Variants in KSR1 observed in about 807,000 individuals in gnomAD.
The protein encoded by KSR1 is kinase suppressor of ras 1, also known as kinase suppressor of ras.
Under a neutral mutation model 92.9 loss-of-function variants are expected in KSR1, and 35 were observed. The ratio of observed to expected loss-of-function variants is 0.38; its 90% CI spans 0.29 to 0.50. The LOEUF (loss-of-function observed/expected upper bound fraction) is 0.50. Among genes scored for constraint, KSR1 ranks in the 20% least tolerant of loss-of-function variants. The probability of loss-of-function intolerance (pLI) is 0.94; values close to 1 mark genes in which losing one functional copy is unlikely to be tolerated. For synonymous variants in KSR1, 467 were observed against 472.6 expected, an observed-to-expected ratio of 0.99 and a Z score of 0.15; for missense variants, 972 against 1,158.5, an observed-to-expected ratio of 0.84 and a Z score of 2.34.
At chr17:27,465,518 TAATTA>T (rs2075793342) in intron 1 of KSR1, 1 of 152,088 alleles carries the variant, frequency 6.6e-6, no homozygotes, top group Non-Finnish European at 1.5e-5. Context: ...CTGTCTTGTA[TAATTA>T]AATTAAAATT....
Position 27,617,150 on chromosome 17 carries a change from C to A in KSR1, c.2494-145C>A, listed in dbSNP as rs2074085137. On this transcript the variant is annotated intron_variant, in intron 18 of 20. Transcript: ENST00000644974. ...TTCTCTGAAACCCAGTTACTTCTCA[C>A]CCCTTCATGTCGGCAGGGTGTTCAG... 1.1e-5 allele frequency: 9 copies of A among 794,560 alleles called. No individual in the cohort carries two copies. In the South Asian group the frequency reaches 2.1e-4, roughly 19 times the overall value. 49.2% of individuals were successfully genotyped at this position (794,560 alleles called of 1,614,324 possible). A position where few individuals can be genotyped will look rare whatever the true frequency, so the allele number is the denominator to read the frequency against.
intron 1 of KSR1, among the ~76,000 whole-genome samples, chr17:27,523,610 C>T (rs2070131263): frequency 6.7e-6 from 1 of 148,872 alleles, no homozygotes; most frequent in African/African-American, 2.5e-5. Flanking sequence ...GTTCAAATAA[C>T]AGTAACTCAA....
intron 1 of KSR1, among the ~76,000 whole-genome samples, chr17:27,469,881 T>A (rs2019888563): frequency 6.6e-6 from 1 of 152,174 alleles, no homozygotes; most frequent in African/African-American, 2.4e-5. Flanking sequence ...TTATAAACAA[T>A]GTGAATGGAA....
intron 5 of KSR1, among the ~76,000 whole-genome samples, chr17:27,586,904 G>T (rs925402178): frequency 1.3e-5 from 2 of 152,190 alleles, no homozygotes; most frequent in East Asian, 3.9e-4. Flanking sequence ...ACGAAATCTC[G>T]CTCTATCACC....
chr17:27,468,974 C>T (rs2019840149), intron 1 of KSR1, among the ~76,000 whole-genome samples: 1 of 152,192 alleles, frequency 6.6e-6, no homozygotes, highest in Non-Finnish European at 1.5e-5. Flanking sequence ...TGTCTCTTCC[C>T]TTCCTTTTCC....
chr17:27,597,507 C>T (rs754848476), intron 10 of KSR1, 71 bp downstream of exon 10: 431 of 1,479,872 alleles, frequency 2.9e-4, no homozygotes, highest in Non-Finnish European at 3.3e-4. Context: ...GACCCAAGTT[C>T]GGCAGATTCA....
Position 27,625,463 on chromosome 17 carries a change from C to T in KSR1, c.*2071C>T, listed in dbSNP as rs1019166449. On this transcript the variant is annotated 3_prime_UTR_variant, in exon 21 of 21. Transcript: ENST00000644974. ...GATAGGAACAGTCATGGTCCCTGCT[C>T]TTAAGGAACTGATGACCTGGTGGGG... 3.3e-5 allele frequency: 5 copies of T among 152,236 alleles called. No individual in the cohort carries two copies. The highest frequency in any genetic ancestry group is 7.3e-5 in the Non-Finnish European group (5 of 68,050). 9.4% of individuals were successfully genotyped at this position (152,236 alleles called of 1,614,324 possible).
intron 3 of KSR1, among the ~76,000 whole-genome samples, chr17:27,581,239 C>T (rs991571311): frequency 1.3e-5 from 2 of 152,088 alleles, no homozygotes; most frequent in Non-Finnish European, 2.9e-5. Flanking sequence ...GAGAACAGCA[C>T]CAAGAGGATG....
Position 27,501,450 on chromosome 17 carries a change from A to G in KSR1, c.231+44576A>G, listed in dbSNP as rs538377790. On this transcript the variant is annotated intron_variant, in intron 1 of 20. Transcript: ENST00000644974. Reference sequence around the variant, plus strand: ...AATTTTAATAGCTGAGACAATGGAGAAAATGTCTCCAGGGCATTGCAGAGA... The same window carrying G: ...AATTTTAATAGCTGAGACAATGGAGGAAATGTCTCCAGGGCATTGCAGAGA... 2.0e-3 allele frequency among the ~76,000 whole-genome samples: 310 copies of G among 152,018 alleles called. 1 individual carries two copies. Among genetic ancestry groups the G allele is most frequent in the South Asian group, 7.9e-3 (38 of 4,818 alleles).
In KSR1 at chr17:27,475,098, A is replaced by G. The variant is rs369488300; in HGVS notation, c.231+18224A>G. ...AAGGGTAGAGAAGGGCTCCATGGGG[A>G]TACAGCTGGAAAAGAGCTTTGGAAG... is the stretch of plus-strand genomic sequence containing the variant. On this transcript the variant is annotated intron_variant, in intron 1 of 20. Transcript: ENST00000644974. Among the ~76,000 whole-genome samples, 50 of 152,246 alleles carry G rather than the reference A, an allele frequency of 3.3e-4. 1 individual carries two copies. In the South Asian group the frequency reaches 9.5e-3, roughly 29 times the overall value.
At chr17:27,505,932 G>C (rs370642121) in intron 1 of KSR1, among the ~76,000 whole-genome samples, 1 of 152,188 alleles carries the variant, frequency 6.6e-6, no homozygotes, top group East Asian at 1.9e-4. Flanking sequence ...TCAGACCTCA[G>C]GGGTGACCAG....
intron 1 of KSR1, among the ~76,000 whole-genome samples, chr17:27,509,905 G>A (rs973000876): frequency 1.3e-5 from 2 of 152,234 alleles, no homozygotes; most frequent in Admixed American, 6.5e-5. Context: ...CGTTGGGCGA[G>A]CAGGGGCAAT....
At chr17:27,553,812 C>T (rs1815227678) in intron 2 of KSR1, among the ~76,000 whole-genome samples, 1 of 152,228 alleles carries the variant, frequency 6.6e-6, no homozygotes. Flanking sequence ...CTCCTACAGA[C>T]TGGGGAGAGG....
intron 1 of KSR1, among the ~76,000 whole-genome samples, chr17:27,457,613 A>G (rs758629353): frequency 6.6e-6 from 1 of 152,206 alleles, no homozygotes; most frequent in Non-Finnish European, 1.5e-5. Flanking sequence ...AGTGTAAAGA[A>G]GAAATAAGAT....
chr17:27,591,573 C>T (rs1226820278), intron 7 of KSR1, among the ~76,000 whole-genome samples: 9 of 152,224 alleles, frequency 5.9e-5, no homozygotes, highest in Non-Finnish European at 1.3e-4. Context: ...TGTGTGATTG[C>T]ATCTGGGCTC....
chr17:27,493,454 G>C (rs1303549249), intron 1 of KSR1, among the ~76,000 whole-genome samples: 1 of 152,128 alleles, frequency 6.6e-6, no homozygotes. Context: ...AGACATTAAC[G>C]ATCAGCTCCG....
intron 15 of KSR1, among the ~76,000 whole-genome samples, chr17:27,608,212 A>G (rs1424965659): frequency 2.0e-5 from 3 of 152,160 alleles, no homozygotes; most frequent in South Asian, 2.1e-4. Context: ...GATTGTCCAC[A>G]TGATTAGGCT....
intron 18 of KSR1, chr17:27,613,190 A>G (rs1215333684): frequency 6.6e-6 from 1 of 152,400 alleles, no homozygotes; most frequent in Non-Finnish European, 1.5e-5. Flanking sequence ...CTTCTCTGAC[A>G]CTCTGAGGCC....
At chr17:27,480,023 G>C (rs1020770637) in intron 1 of KSR1, among the ~76,000 whole-genome samples, 2 of 152,170 alleles carry the variant, frequency 1.3e-5, no homozygotes, top group African/African-American at 4.8e-5. Flanking sequence ...AATGATAAAG[G>C]GGTCTTTTAA....
Sources: allele counts gnomAD v4.1 joint callset (sites outside exome capture counted in the v4.1 genomes callset), GRCh38; gene constraint gnomAD v4.1.1; transcripts MANE v1.5; gene names NCBI Gene and HGNC (gene_info 2026-07-23, HGNC 2026-07-21).